Variants in NTRK2 observed in about 807,000 individuals in gnomAD.
NTRK2 encodes BDNF/NT-3 growth factors receptor.
NTRK2 carries 13 observed loss-of-function variants against 94.5 expected under a neutral mutation model. The ratio of observed to expected loss-of-function variants is 0.14; its 90% CI spans 0.09 to 0.22. The LOEUF (loss-of-function observed/expected upper bound fraction) is 0.22. Among genes scored for constraint, NTRK2 ranks in the 10% least tolerant of loss-of-function variants. The probability of loss-of-function intolerance (pLI) is 1.00; values close to 1 mark genes in which losing one functional copy is unlikely to be tolerated. For synonymous variants in NTRK2, 372 were observed against 407.4 expected (o/e 0.91, Z 1.05); for missense variants, 639 against 1,071.2 (o/e 0.60, Z 5.63).
At chr9:84,877,065 C>G in intron 14 of NTRK2, 6 of 1,063,900 alleles carry the variant, frequency 5.6e-6, no homozygotes, top group Non-Finnish European at 6.8e-6. Flanking sequence ...GGCCAAGTAG[C>G]AGGCAGAATA....
chr9:84,785,318 T>A (rs1347595739), intron 12 of NTRK2, among the ~76,000 whole-genome samples: 6 of 152,234 alleles, frequency 3.9e-5, no homozygotes, highest in Admixed American at 3.9e-4. Flanking sequence ...TGAAATAGGC[T>A]GTACCAGTCT....
chr9:84,835,048 C>A (rs762630316), intron 12 of NTRK2, among the ~76,000 whole-genome samples: 1 of 152,056 alleles, frequency 6.6e-6, no homozygotes, highest in African/African-American at 2.4e-5. Context: ...ATTCCTTTGG[C>A]GGGGAAAACC....
At chr9:84,870,123 ATAT>A (rs869030048) in intron 14 of NTRK2, among the ~76,000 whole-genome samples, 1 of 135,750 alleles carries the variant, frequency 7.4e-6, no homozygotes, top group East Asian at 2.1e-4. Context: ...ATATATATAT[ATAT>A]ACACACACAC....
intron 14 of NTRK2, among the ~76,000 whole-genome samples, chr9:84,881,742 A>G (rs1165105749): frequency 6.6e-6 from 1 of 152,212 alleles, no homozygotes; most frequent in Admixed American, 6.5e-5. Flanking sequence ...CATATTAGCT[A>G]TGCCCATTGC....
intron 17 of NTRK2, among the ~76,000 whole-genome samples, chr9:84,962,266 T>C: frequency 6.6e-6 from 1 of 152,120 alleles, no homozygotes; most frequent in East Asian, 1.9e-4. Context: ...TCAGTGGATG[T>C]GCTTCAAAAA....
intron 2 of NTRK2, among the ~76,000 whole-genome samples, chr9:84,677,917 C>A (rs1411411853): frequency 6.6e-6 from 1 of 152,102 alleles, no homozygotes; most frequent in African/African-American, 2.4e-5. Flanking sequence ...TCTTCTTGTA[C>A]AAAATAAAAC....
At chr9:84,724,967 G>A (rs2132040507) in intron 8 of NTRK2, among the ~76,000 whole-genome samples, 1 of 152,204 alleles carries the variant, frequency 6.6e-6, no homozygotes, top group South Asian at 2.1e-4. Context: ...TAAGTACATT[G>A]TTTTTCAGTA....
intron 12 of NTRK2, among the ~76,000 whole-genome samples, chr9:84,826,527 A>AC (rs2073200918): frequency 6.6e-6 from 1 of 152,094 alleles, no homozygotes; most frequent in Admixed American, 6.6e-5. Flanking sequence ...CCACCATGTA[A>AC]CCCACTACCT....
At chr9:84,864,775 CTG>C (rs1352134647) in intron 13 of NTRK2, among the ~76,000 whole-genome samples, 6 of 122,144 alleles carry the variant, frequency 4.9e-5, no homozygotes, top group African/African-American at 1.8e-4. Flanking sequence ...GAGTCTCACT[CTG>C]TCACCCAGGC....
intron 11 of NTRK2, among the ~76,000 whole-genome samples, chr9:84,749,421 A>G (rs188627804): frequency 1.3e-5 from 2 of 152,268 alleles, no homozygotes; most frequent in East Asian, 3.9e-4. Flanking sequence ...GTGTCCTGGG[A>G]GAATTAGCCA....
intron 12 of NTRK2, among the ~76,000 whole-genome samples, chr9:84,793,669 C>T (rs1348892300): frequency 6.6e-6 from 1 of 152,210 alleles, no homozygotes; most frequent in Non-Finnish European, 1.5e-5. Context: ...TTACACTATG[C>T]AGACTGAGCT....
intron 12 of NTRK2, among the ~76,000 whole-genome samples, chr9:84,842,597 C>T (rs2074248241): frequency 6.6e-6 from 1 of 152,132 alleles, no homozygotes; most frequent in African/African-American, 2.4e-5. Context: ...TCTGGGTTCT[C>T]CAGCAGAAAC....
At chr9:84,958,984 A>G (rs1224317420) in intron 17 of NTRK2, among the ~76,000 whole-genome samples, 2 of 152,130 alleles carry the variant, frequency 1.3e-5, no homozygotes, top group Non-Finnish European at 2.9e-5. Flanking sequence ...TTGCTTTTAC[A>G]TCAGTCATCC....
intron 17 of NTRK2, among the ~76,000 whole-genome samples, chr9:84,977,826 C>T (rs1305423115): frequency 6.6e-6 from 1 of 152,230 alleles, no homozygotes; most frequent in Non-Finnish European, 1.5e-5. Context: ...CATGGGCTCA[C>T]TTCATGTCTC....
chr9:84,967,754 C>T (rs1245707046), intron 17 of NTRK2, among the ~76,000 whole-genome samples: 1 of 152,226 alleles, frequency 6.6e-6, no homozygotes, highest in Non-Finnish European at 1.5e-5. Flanking sequence ...AGGCTCATGC[C>T]TCGCCTTTGT....
chr9:84,811,118 A>G (rs202005921), intron 12 of NTRK2: 1 of 1,067,998 alleles, frequency 9.4e-7, no homozygotes, highest in South Asian at 4.4e-5. Context: ...CATCTATAAC[A>G]CAGTGACTAA....
At chr9:84,888,611 C>CAAAAAAAAAAAAAAAAAAAA (rs71369158) in intron 14 of NTRK2, among the ~76,000 whole-genome samples, 1 of 33,846 alleles carries the variant, frequency 3.0e-5, no homozygotes. Flanking sequence ...CACTCCATCT[C>CAAAAAAAAAAAAAAAAAAAA]AAAAAAAAAA....
At chr9:84,916,433 A>G (rs919867599) in intron 14 of NTRK2, among the ~76,000 whole-genome samples, 7 of 152,224 alleles carry the variant, frequency 4.6e-5, no homozygotes, top group African/African-American at 1.4e-4. Context: ...AGACATTACT[A>G]GTTGATCATG....
intron 17 of NTRK2, among the ~76,000 whole-genome samples, chr9:84,993,138 A>G (rs775588737): frequency 3.4e-4 from 52 of 151,972 alleles, no homozygotes; most frequent in Non-Finnish European, 5.7e-4. Context: ...AGTCTCCTTC[A>G]CAGGGAAAGG....
Sources: allele counts gnomAD v4.1 joint callset (sites outside exome capture counted in the v4.1 genomes callset), GRCh38; gene constraint gnomAD v4.1.1; transcripts MANE v1.5; gene names NCBI Gene and HGNC (gene_info 2026-07-23, HGNC 2026-07-21).